The following CARD10 variants were observed in gnomAD, a reference collection of about 807,000 sequenced individuals.
CARD10 encodes the protein caspase recruitment domain family member 10.
Under a neutral mutation model 114.6 loss-of-function variants are expected in CARD10, and 49 were observed. That is an observed-to-expected ratio of 0.43 (90% CI 0.34 to 0.54). The LOEUF (loss-of-function observed/expected upper bound fraction) is 0.54, where lower values mean the gene tolerates loss of function less well. Among genes scored for constraint, CARD10 ranks in the 20% least tolerant of loss-of-function variants. The pLI is 0.03. For synonymous variants in CARD10, 602 were observed against 593.2 expected, an observed-to-expected ratio of 1.01 and a Z score of -0.21; for missense variants, 1,206 against 1,397.2, an observed-to-expected ratio of 0.86 and a Z score of 2.18.
rs1490950820 is a variant in CARD10, at chr22:37,512,464, T to TA, written c.700-2044_700-2043insT. Among the ~76,000 whole-genome samples the TA allele has an allele frequency of 2.8e-3, 123 of 43,194 alleles. 3 individuals are homozygous for TA. The highest frequency in any genetic ancestry group is 0.021 in the East Asian group (37 of 1,722). The allele number at this position is 43,194 out of a possible 152,430, so 28.3% of individuals were successfully genotyped here. ...GAGAGGTTAGAATGGCAGCCCCCCC[T>TA]CCACACACACACACACACACACACA... On this transcript the variant is annotated intron_variant, in intron 3 of 19. Coordinates refer to ENST00000251973, the MANE Select transcript of CARD10 (RefSeq NM_014550.4).
In CARD10 at chr22:37,501,880, C is replaced by T. The variant is rs1045413252; in HGVS notation, c.1787+722G>A. On this transcript the variant is annotated intron_variant, in intron 11 of 19. Transcript: ENST00000251973. This position sits in a 1 kb window ranked among gnomAD's most constrained non-coding sequence, Gnocchi z 5.4. Reference sequence around the variant, plus strand: ...CAAAGTCCACACTTTCCCAGCCTGACTCAGGAAGCCTTGACTTTCGCCCTT... The same window carrying T: ...CAAAGTCCACACTTTCCCAGCCTGATTCAGGAAGCCTTGACTTTCGCCCTT... Among the ~76,000 whole-genome samples, 2 of 152,228 alleles carry T rather than the reference C, an allele frequency of 1.3e-5. No individual in the cohort carries two copies. Among genetic ancestry groups the T allele is most frequent in the Non-Finnish European group, 2.9e-5 (2 of 68,042 alleles).
At chr22:37,512,465 C>CCACACACACACA (rs36080549) in intron 3 of CARD10, among the ~76,000 whole-genome samples, 175 of 113,846 alleles carry the variant, frequency 1.5e-3, no homozygotes, top group Middle Eastern at 4.3e-3. Context: ...AGCCCCCCCT[C>CCACACACACACA]CACACACACA....
At chr22:37,499,342 A>C (rs1398848274) in intron 11 of CARD10, among the ~76,000 whole-genome samples, 1 of 152,084 alleles carries the variant, frequency 6.6e-6, no homozygotes, top group African/African-American at 2.4e-5. Flanking sequence ...GCTCTGTCAA[A>C]ACTAGACATT....
intron 7 of CARD10, among the ~76,000 whole-genome samples, chr22:37,504,976 C>G (rs9610774): frequency 0.21 from 31,829 of 152,136 alleles, 4,302 homozygotes; most frequent in African/African-American, 0.38. Context: ...GGAAGGTGCC[C>G]AGGGCATGGA....
At chr22:37,515,813 CCA>C (rs915895637) in intron 3 of CARD10, among the ~76,000 whole-genome samples, 158 bp downstream of exon 3, 6 of 152,154 alleles carry the variant, frequency 3.9e-5, no homozygotes, top group Non-Finnish European at 2.9e-5. Context: ...CCATTGAGAA[CCA>C]CAGTCATAAC....
At position 37,492,768 on chromosome 22, in the gene CARD10, C is replaced by T; in HGVS notation, c.2511G>A (p.Val837=). 2 of 1,612,736 alleles carry T rather than the reference C, an allele frequency of 1.2e-6. No homozygotes were observed. The highest frequency in any genetic ancestry group is 1.3e-5 in the African/African-American group (1 of 75,020). The change falls in exon 17 of 20, where the codon GTG becomes GTA. Residue 837 remains valine, a synonymous_variant. Transcript: ENST00000251973. This position sits in a 1 kb window ranked among gnomAD's most constrained non-coding sequence, Gnocchi z 5.7. The part of the protein sequence containing the change: ...PERSLRPYSL[V]RPLLVSALRP... Reference sequence around the variant, plus strand: ...GCAGGGCAGACACCAGTAGCGGCCGCACCAAACTGTAGGGTCTGAGGCTCC... The same window carrying T: ...GCAGGGCAGACACCAGTAGCGGCCGTACCAAACTGTAGGGTCTGAGGCTCC...
At chr22:37,491,472 G>C (rs9622628) in intron 19 of CARD10, 79 bp from the exon 20 acceptor site, 84,381 of 1,038,162 alleles carry the variant, frequency 0.081, 4,495 homozygotes, top group East Asian at 0.27. Context: ...GACAGACAAA[G>C]GGGGAAGAGT....
chr22:37,508,166 A>C (rs890448109), intron 5 of CARD10, among the ~76,000 whole-genome samples: 3 of 151,944 alleles, frequency 2.0e-5, no homozygotes, highest in Admixed American at 6.6e-5. Flanking sequence ...AATGATCATC[A>C]TTTCACCCAT....
At chr22:37,508,792 C>T in intron 4 of CARD10, 110 bp from the exon 5 acceptor site, 1 of 1,295,490 alleles carries the variant, frequency 7.7e-7, no homozygotes, top group Non-Finnish European at 1.0e-6. Flanking sequence ...CTGACCAGCT[C>T]TGCCATGCTG....
intron 2 of CARD10, among the ~76,000 whole-genome samples, chr22:37,516,589 C>T (rs539736939): frequency 2.6e-5 from 4 of 152,056 alleles, no homozygotes; most frequent in South Asian, 2.1e-4. Flanking sequence ...AACTCAGAGC[C>T]GTAATATATA....
Position 37,492,347 on chromosome 22 carries a change from C to T in CARD10, c.2751+88G>A, listed in dbSNP as rs973968119. 5.0e-6 allele frequency: 5 copies of T among 990,516 alleles called. No individual in the cohort carries two copies. The highest frequency in any genetic ancestry group is 3.4e-5 in the South Asian group (2 of 59,636). The allele number at this position is 990,516 out of a possible 1,614,324, so 61.4% of individuals were successfully genotyped here. The stretch of plus-strand genomic sequence containing the variant: ...CCAGTGAGCAGCAGAGCATGGCCCG[C>T]GCTCAGACGCTGGCGCTCAAGCCCA... On this transcript the variant is annotated intron_variant, in intron 18 of 19. Transcript: ENST00000251973. This position sits in a 1 kb window ranked among gnomAD's most constrained non-coding sequence, Gnocchi z 5.7.
At chr22:37,502,969 G>C (rs1309353423) in intron 10 of CARD10, among the ~76,000 whole-genome samples, 3 of 152,262 alleles carry the variant, frequency 2.0e-5, no homozygotes, top group Non-Finnish European at 4.4e-5. Flanking sequence ...CCGGGAACAG[G>C]AGTGAGGCCC....
At chr22:37,500,992 G>A (rs928215135) in intron 11 of CARD10, among the ~76,000 whole-genome samples, 1 of 152,064 alleles carries the variant, frequency 6.6e-6, no homozygotes, top group Non-Finnish European at 1.5e-5. Flanking sequence ...CATGCCCAAG[G>A]TCCCACAGTA....
At chr22:37,506,804 G>A (rs1923426612) in intron 6 of CARD10, among the ~76,000 whole-genome samples, 2 of 152,166 alleles carry the variant, frequency 1.3e-5, no homozygotes, top group Non-Finnish European at 2.9e-5. Context: ...GAAGACCAGG[G>A]GCTCCAGAGC....
intron 2 of CARD10, among the ~76,000 whole-genome samples, chr22:37,517,639 T>G (rs1923885106): frequency 6.8e-6 from 1 of 147,844 alleles, no homozygotes; most frequent in African/African-American, 2.6e-5. Context: ...AGACACTGTC[T>G]CAAAAAAAAA....
chr22:37,499,914 T>C (rs895385520), intron 11 of CARD10, among the ~76,000 whole-genome samples: 1 of 152,090 alleles, frequency 6.6e-6, no homozygotes, highest in Non-Finnish European at 1.5e-5. Context: ...TGTGTGGTAC[T>C]AGGAAGCACA....
chr22:37,503,275 T>C, intron 9 of CARD10, 62 bp from the exon 10 acceptor site: 1 of 1,472,018 alleles, frequency 6.8e-7, no homozygotes. Flanking sequence ...TCTGCCCCGC[T>C]CCCTCCTCCT....
At position 37,492,863 on chromosome 22, in the gene CARD10, C is replaced by T. The variant is rs1922857410; in HGVS notation, c.2477-61G>A. 5 of 1,545,196 alleles carry T rather than the reference C, an allele frequency of 3.2e-6. No homozygotes were observed. The highest frequency in any genetic ancestry group is 2.4e-5 in the South Asian group (2 of 83,248). On this transcript the variant is annotated intron_variant, in intron 16 of 19. Transcript: ENST00000251973. The surrounding 1 kb of genome is among the most constrained non-coding windows in gnomAD (Gnocchi z 5.7). ...ACAGGCAGGCAGCATACCAGCTCGT[C>T]GATACCCCAAAACCCACCCCGCCAC...
At chr22:37,493,915 G>A (rs1199432482) in intron 16 of CARD10, among the ~76,000 whole-genome samples, 171 bp downstream of exon 16, 1 of 152,212 alleles carries the variant, frequency 6.6e-6, no homozygotes, top group Non-Finnish European at 1.5e-5. Flanking sequence ...CACCATGGCA[G>A]GTGGGGTGGT....
Sources: allele counts gnomAD v4.1 joint callset (sites outside exome capture counted in the v4.1 genomes callset), GRCh38; gene constraint gnomAD v4.1.1; non-coding constraint Gnocchi (gnomAD v3.1); transcripts MANE v1.5; gene names NCBI Gene and HGNC (gene_info 2026-07-23, HGNC 2026-07-21).